The following TMTC1 variants were observed in gnomAD, a reference collection of about 807,000 sequenced individuals.
TMTC1 encodes protein O-mannosyl-transferase TMTC1.
TMTC1 carries 73 observed loss-of-function variants against 104.8 expected under a neutral mutation model. The observed-to-expected ratio is 0.70, with a 90% CI of 0.58 to 0.85. The LOEUF (loss-of-function observed/expected upper bound fraction) is 0.85, where lower values mean the gene tolerates loss of function less well. TMTC1 is among the 40% of genes least tolerant of loss of function. TMTC1 has a pLI of 0.00. For missense variants in TMTC1, 1,035 were observed against 1,096.1 expected (o/e 0.94, Z 0.79); for synonymous variants, 434 against 428.7 (o/e 1.01, Z -0.15).
At chr12:29,545,886 T>G (rs973253794) in intron 10 of TMTC1, among the ~76,000 whole-genome samples, 1 of 152,188 alleles carries the variant, frequency 6.6e-6, no homozygotes, top group Non-Finnish European at 1.5e-5. Flanking sequence ...GGGCCTATGT[T>G]GAGGACTTAC....
At chr12:29,703,200 A>C (rs1287686039) in intron 5 of TMTC1, among the ~76,000 whole-genome samples, 3 of 152,024 alleles carry the variant, frequency 2.0e-5, no homozygotes, top group Non-Finnish European at 4.4e-5. Flanking sequence ...ACACAGCATG[A>C]ACGGGTGGCA....
intron 5 of TMTC1, among the ~76,000 whole-genome samples, chr12:29,636,260 T>C (rs1444785184): frequency 6.6e-6 from 1 of 152,210 alleles, no homozygotes; most frequent in East Asian, 1.9e-4. Flanking sequence ...TTTATGCCAC[T>C]TTCTCTACTT....
chr12:29,633,360 G>T, intron 5 of TMTC1, 24 bp from the exon 6 acceptor site: 3 of 1,568,996 alleles, frequency 1.9e-6, no homozygotes, highest in South Asian at 1.2e-5. Context: ...AAGAATCACT[G>T]AAACACTGCT....
At chr12:29,725,842 ATT>A (rs1381234809) in intron 5 of TMTC1, among the ~76,000 whole-genome samples, 5 of 152,246 alleles carry the variant, frequency 3.3e-5, no homozygotes, top group Non-Finnish European at 5.9e-5. Context: ...AAACAATAAC[ATT>A]TAAGACATCT....
intron 5 of TMTC1, among the ~76,000 whole-genome samples, chr12:29,687,904 C>A (rs1208535895): frequency 6.6e-6 from 1 of 152,126 alleles, no homozygotes; most frequent in Non-Finnish European, 1.5e-5. Context: ...AGGGCCCCAC[C>A]CTTACAACTT....
chr12:29,718,807 C>T (rs1942152828), intron 5 of TMTC1, among the ~76,000 whole-genome samples: 1 of 151,794 alleles, frequency 6.6e-6, no homozygotes, highest in African/African-American at 2.4e-5. Flanking sequence ...GTGACGGGTG[C>T]CTGTAGTCCC....
At chr12:29,620,225 A>G (rs1591815634) in intron 6 of TMTC1, among the ~76,000 whole-genome samples, 1 of 152,236 alleles carries the variant, frequency 6.6e-6, no homozygotes, top group East Asian at 1.9e-4. Flanking sequence ...CCCTGGTCCA[A>G]CCACAGTTGG....
At chr12:29,638,387 C>A (rs527671218) in intron 5 of TMTC1, among the ~76,000 whole-genome samples, 1 of 152,140 alleles carries the variant, frequency 6.6e-6, no homozygotes, top group East Asian at 1.9e-4. Flanking sequence ...TAGGGAAAGA[C>A]TACCTTCCCA....
At chr12:29,753,140 A>T (rs192604274) in intron 4 of TMTC1, among the ~76,000 whole-genome samples, 1 of 152,302 alleles carries the variant, frequency 6.6e-6, no homozygotes, top group East Asian at 1.9e-4. Flanking sequence ...CCTGAATCAT[A>T]CGATGAAAGA....
chr12:29,608,143 A>G (rs1021221856), intron 6 of TMTC1, among the ~76,000 whole-genome samples: 1 of 152,234 alleles, frequency 6.6e-6, no homozygotes, highest in African/African-American at 2.4e-5. Context: ...TTTGAAAAAC[A>G]TATCAATCTG....
intron 5 of TMTC1, among the ~76,000 whole-genome samples, chr12:29,650,669 G>A (rs947391960): frequency 1.3e-5 from 2 of 152,208 alleles, no homozygotes; most frequent in African/African-American, 4.8e-5. Flanking sequence ...AGCAGTCAGT[G>A]TAAGTTTTCT....
intron 5 of TMTC1, among the ~76,000 whole-genome samples, chr12:29,680,255 G>A (rs944440191): frequency 3.9e-5 from 6 of 152,078 alleles, no homozygotes; most frequent in Non-Finnish European, 7.4e-5. Flanking sequence ...AATTGATTTT[G>A]ACAGAAGTCT....
At chr12:29,684,086 C>T (rs1022138765) in intron 5 of TMTC1, among the ~76,000 whole-genome samples, 4 of 152,184 alleles carry the variant, frequency 2.6e-5, no homozygotes, top group Non-Finnish European at 5.9e-5. Flanking sequence ...TCAAGCAATC[C>T]GCCTGCCTTG....
rs35723373 is a variant in TMTC1, at chr12:29,513,321, C to CAT, written c.2430+1159_2430+1160dup. On this transcript the variant is annotated intron_variant, in intron 16 of 17. Transcript: ENST00000539277. ...TCAGCTGTTATTATGAATCAATGGC[C>CAT]ATATATATATATATATACACACACA... Among the ~76,000 whole-genome samples the CAT allele has an allele frequency of 5.3e-3, 795 of 148,732 alleles. 2 individuals are homozygous for CAT. Among genetic ancestry groups the CAT allele is most frequent in the African/African-American group, 0.012 (498 of 40,724 alleles).
intron 5 of TMTC1, among the ~76,000 whole-genome samples, chr12:29,750,558 T>C (rs1487825078): frequency 6.6e-6 from 1 of 151,982 alleles, no homozygotes; most frequent in East Asian, 1.9e-4. Flanking sequence ...AAAGAATGAA[T>C]GAATGGGGCA....
intron 5 of TMTC1, among the ~76,000 whole-genome samples, chr12:29,668,689 G>C (rs1043095957): frequency 6.6e-6 from 1 of 152,020 alleles, no homozygotes; most frequent in African/African-American, 2.4e-5. Flanking sequence ...TTGAACTCCT[G>C]ACCTCAGGTG....
chr12:29,741,592 A>T (rs1942827816), intron 5 of TMTC1, among the ~76,000 whole-genome samples: 1 of 152,170 alleles, frequency 6.6e-6, no homozygotes, highest in South Asian at 2.1e-4. Context: ...TTCTTGCACT[A>T]CCCTGTGCTA....
At chr12:29,701,638 T>G (rs1941597301) in intron 5 of TMTC1, among the ~76,000 whole-genome samples, 1 of 152,214 alleles carries the variant, frequency 6.6e-6, no homozygotes, top group South Asian at 2.1e-4. Context: ...AATCCCACCT[T>G]GTGTCAGCTT....
chr12:29,699,252 A>G (rs1288735822), intron 5 of TMTC1, among the ~76,000 whole-genome samples: 1 of 152,150 alleles, frequency 6.6e-6, no homozygotes, highest in East Asian at 1.9e-4. Context: ...ACTTGGAAAT[A>G]TTTGCTCATG....
Sources: allele counts gnomAD v4.1 joint callset (sites outside exome capture counted in the v4.1 genomes callset), GRCh38; gene constraint gnomAD v4.1.1; transcripts MANE v1.5; gene names NCBI Gene and HGNC (gene_info 2026-07-23, HGNC 2026-07-21).